Variants in ACAT2 observed in about 807,000 individuals in gnomAD.
ACAT2 encodes acetyl-CoA acetyltransferase 2.
ACAT2 carries 26 observed loss-of-function variants against 37.1 expected under a neutral mutation model. The observed-to-expected ratio is 0.70, with a 90% CI of 0.51 to 0.97. The LOEUF (loss-of-function observed/expected upper bound fraction) is 0.97. Ranked by LOEUF, ACAT2 falls within the 50% of genes least tolerant of loss-of-function variation. The pLI is 0.00. For synonymous variants in ACAT2, 156 were observed against 163.6 expected, an observed-to-expected ratio of 0.95 and a Z score of 0.35; for missense variants, 468 against 489.0, an observed-to-expected ratio of 0.96 and a Z score of 0.40.
In ACAT2 at chr6:159,765,127, T is replaced by C. The variant is rs114048393; in HGVS notation, c.191-1878T>C. Among the ~76,000 whole-genome samples, 787 of 152,210 alleles carry C rather than the reference T, an allele frequency of 5.2e-3. 5 individuals carry two copies. Among genetic ancestry groups the C allele is most frequent in the African/African-American group, 0.018 (745 of 41,524 alleles). On this transcript the variant is annotated intron_variant, in intron 2 of 8. Transcript: ENST00000367048. ...TTAGCACCTCATTTCTTTCTTTTTC[T>C]TTTTTTGAGATGGAGTCCCACTCTG...
intron 1 of ACAT2, chr6:159,762,652 A>G (rs984316767): frequency 1.4e-6 from 2 of 1,453,048 alleles, no homozygotes; most frequent in Non-Finnish European, 9.1e-7. Context: ...GGTCGCATCC[A>G]GTCCTTCGGA....
At chr6:159,770,803 G>A (rs945958738) in intron 4 of ACAT2, among the ~76,000 whole-genome samples, 8 of 152,140 alleles carry the variant, frequency 5.3e-5, no homozygotes, top group African/African-American at 1.2e-4. Flanking sequence ...GGTAGCTCAC[G>A]CTTGTAATCC....
intron 7 of ACAT2, among the ~76,000 whole-genome samples, 172 bp downstream of exon 7, chr6:159,777,628 C>A (rs1780447805): frequency 6.6e-6 from 1 of 152,036 alleles, no homozygotes; most frequent in South Asian, 2.1e-4. Flanking sequence ...GCAGTGGCAC[C>A]ATCATAGCTC....
Position 159,778,955 on chromosome 6 carries a change from A to T in ACAT2, c.*126A>T. ...TCCTACATCACAAAAACCCAAGTTT[A>T]CAGCTTGTACTTTACTTTAATGTGT... On this transcript the variant is annotated 3_prime_UTR_variant, in exon 9 of 9. Coordinates refer to ENST00000367048, the MANE Select transcript of ACAT2 (RefSeq NM_005891.3). 1 of 1,557,028 alleles carries T rather than the reference A, an allele frequency of 6.4e-7. No homozygotes were observed.
At position 159,775,202 on chromosome 6, in the gene ACAT2, A is replaced by G; in HGVS notation, c.523A>G (p.Arg175Gly). 1 of 1,614,100 alleles carries G rather than the reference A, an allele frequency of 6.2e-7. No individual in the cohort carries two copies. The highest frequency in any genetic ancestry group is 8.5e-7 in the Non-Finnish European group (1 of 1,179,988). Reference protein sequence around the residue: ...ENVAKKWQVSREDQDKVAVLS... With the variant: ...ENVAKKWQVSGEDQDKVAVLS... Reference sequence around the variant, plus strand: ...TGTAGCCAAAAAATGGCAAGTGAGTAGAGAAGATCAGGACAAGGTTGCAGT... The same window carrying G: ...TGTAGCCAAAAAATGGCAAGTGAGTGGAGAAGATCAGGACAAGGTTGCAGT... Residue 175 changes from arginine to glycine, a missense_variant, in exon 5 of 9, where the codon AGA (arginine) becomes GGA (glycine). Physicochemically the swap from Arg to Gly is moderately radical, Grantham distance 125 (BLOSUM62 -2). Transcript: ENST00000367048.
At position 159,776,911 on chromosome 6, in the gene ACAT2, C is replaced by T. The variant is rs189304577; in HGVS notation, c.758-391C>T. On this transcript the variant is annotated intron_variant, in intron 6 of 8. Transcript: ENST00000367048. The stretch of plus-strand genomic sequence containing the variant: ...TCAAGCAATTCTCCTGTCTCAGCCT[C>T]CTGAGTGGCTGGGACTACAGGCGCA... 6.2e-3 allele frequency among the ~76,000 whole-genome samples: 950 copies of T among 152,322 alleles called. 5 individuals are homozygous for T. Among genetic ancestry groups the T allele is most frequent in the Non-Finnish European group, 9.2e-3 (626 of 68,024 alleles).
At position 159,778,521 on chromosome 6, in the gene ACAT2, T is replaced by G. The variant is rs562651647; in HGVS notation, c.1024-138T>G. On this transcript the variant is annotated intron_variant, in intron 8 of 8. Coordinates refer to ENST00000367048, the MANE Select transcript of ACAT2 (RefSeq NM_005891.3). ...GATGAATTTTCACAAAGGTGTAAAT[T>G]TATTCCTAAGCAGTTAAAATGAAAA... 5 of 994,652 alleles carry G rather than the reference T, an allele frequency of 5.0e-6. No individual in the cohort carries two copies. The African/African-American group carries it at 8.2e-5, about 16-fold the overall frequency. 61.6% of individuals were successfully genotyped at this position (994,652 alleles called of 1,614,324 possible).
Position 159,778,847 on chromosome 6 carries a change from C to G in ACAT2, c.*18C>G. ...GAGAATGAATTGCTTAAACTTTGAA[C>G]AACCTCAATTTCTTTTTAAACTAAT... On this transcript the variant is annotated 3_prime_UTR_variant, in exon 9 of 9. Transcript: ENST00000367048. 6.2e-7 allele frequency: 1 copy of G among 1,613,864 alleles called. No homozygotes were observed. Among genetic ancestry groups the G allele is most frequent in the Non-Finnish European group, 8.5e-7 (1 of 1,179,800 alleles).
chr6:159,776,156 TTG>T lies in ACAT2; in HGVS notation c.642_643del (p.Glu215SerfsTer2). The stretch of plus-strand genomic sequence containing the variant: ...TTGGTTTTCCTTTGCTTAGGTCTTA[TTG>T]AAGTTAAAACAGATGAGTTTCCTCG... On this transcript the variant is annotated frameshift_variant, in exon 6 of 9. Transcript: ENST00000367048. LOFTEE classifies it high-confidence loss of function. 1 of 1,613,952 alleles carries T rather than the reference TTG, an allele frequency of 6.2e-7. No homozygotes were observed. The highest frequency in any genetic ancestry group is 8.5e-7 in the Non-Finnish European group (1 of 1,179,900).
At chr6:159,776,599 C>T (rs1469189251) in intron 6 of ACAT2, among the ~76,000 whole-genome samples, 1 of 152,158 alleles carries the variant, frequency 6.6e-6, no homozygotes, top group Non-Finnish European at 1.5e-5. Flanking sequence ...ATTGACTTAA[C>T]CTATACTGAA....
In ACAT2 at chr6:159,776,131, T is replaced by C. The variant is rs1368012872; in HGVS notation, c.635-19T>C. The C allele has an allele frequency of 1.2e-6, 2 of 1,612,328 alleles. No homozygotes were observed. The highest frequency in any genetic ancestry group is 1.7e-6 in the Non-Finnish European group (2 of 1,179,214). On this transcript the variant is annotated intron_variant, in intron 5 of 8. Coordinates refer to ENST00000367048, the MANE Select transcript of ACAT2 (RefSeq NM_005891.3). ...CTGTCTCTGGACTAATCTTGAGTAA[T>C]TGGTTTTCCTTTGCTTAGGTCTTAT...
chr6:159,762,813 C>T (rs1427265561), intron 1 of ACAT2, 106 bp from the exon 2 acceptor site: 2 of 1,593,062 alleles, frequency 1.3e-6, no homozygotes, highest in Non-Finnish European at 1.7e-6. Context: ...GCACTGCCTC[C>T]TCGCGTGGCC....
At chr6:159,763,629 CTTTTTTTTTTTTTTT>C (rs765044833) in intron 2 of ACAT2, among the ~76,000 whole-genome samples, 3 of 76,376 alleles carry the variant, frequency 3.9e-5, no homozygotes, top group South Asian at 5.3e-4. Flanking sequence ...TTTTCTTTTC[CTTTTTTTTTTTTTTT>C]TTTTTTTTTT....
chr6:159,778,294 A>AACCCAGAGAAG lies in ACAT2; in HGVS notation c.1023+14_1023+15insACCCAGAGAAG. On this transcript the variant is annotated intron_variant, in intron 8 of 8. Coordinates refer to ENST00000367048, the MANE Select transcript of ACAT2 (RefSeq NM_005891.3). ...AACCCAGAGAAGGTAAAGATGCACA[A>AACCCAGAGAAG]GTAACCCTGAGAGCTTACCAGTGAA... 1 of 1,542,292 alleles carries AACCCAGAGAAG rather than the reference A, an allele frequency of 6.5e-7. No individual in the cohort carries two copies. The highest frequency in any genetic ancestry group is 8.9e-7 in the Non-Finnish European group (1 of 1,125,056).
chr6:159,769,179 T>C (rs1780299106), intron 4 of ACAT2, among the ~76,000 whole-genome samples: 1 of 152,086 alleles, frequency 6.6e-6, no homozygotes, highest in South Asian at 2.1e-4. Flanking sequence ...ATGTAACACA[T>C]AAATATGTGA....
At chr6:159,767,254 A>G (rs185041994) in intron 3 of ACAT2, 68 bp downstream of exon 3, 31 of 1,518,534 alleles carry the variant, frequency 2.0e-5, no homozygotes, top group Admixed American at 8.7e-5. Flanking sequence ...ATGCCAGAAC[A>G]GAGTAAACAG....
At chr6:159,774,607 C>T (rs1000603003) in intron 4 of ACAT2, among the ~76,000 whole-genome samples, 8 of 152,072 alleles carry the variant, frequency 5.3e-5, no homozygotes, top group South Asian at 2.1e-4. Context: ...ACACCATGCC[C>T]GGCTAAATTT....
chr6:159,768,777 G>C, intron 4 of ACAT2, 149 bp downstream of exon 4: 1 of 520,458 alleles, frequency 1.9e-6, no homozygotes, highest in East Asian at 3.0e-5. Flanking sequence ...AGTGAAGTAA[G>C]TATTCTCTTC....
intron 6 of ACAT2, 25 bp downstream of exon 6, chr6:159,776,297 G>C (rs762727015): frequency 6.2e-7 from 1 of 1,611,746 alleles, no homozygotes; most frequent in Non-Finnish European, 8.5e-7. Context: ...AGGACATCTG[G>C]GGGAATACTA....
Sources: gnomAD v4.1 joint callset for allele counts (sites outside exome capture counted in the v4.1 genomes callset) on GRCh38, gnomAD v4.1.1 for gene constraint, MANE v1.5 for transcripts, NCBI Gene and HGNC (gene_info 2026-07-23, HGNC 2026-07-21) for gene names.